The following PTPRD variants were observed in gnomAD, a reference collection of about 807,000 sequenced individuals.
The protein encoded by PTPRD is receptor-type tyrosine-protein phosphatase delta.
PTPRD carries 34 observed loss-of-function variants against 214.5 expected under a neutral mutation model. The ratio of observed to expected loss-of-function variants is 0.16; its 90% CI spans 0.12 to 0.21. PTPRD has a LOEUF of 0.21. Among genes scored for constraint, PTPRD ranks in the 10% least tolerant of loss-of-function variants. PTPRD has a pLI of 1.00. For missense variants in PTPRD, 2,545 were observed against 2,398.7 expected (o/e 1.06, Z -1.27); for synonymous variants, 1,128 against 845.7 (o/e 1.33, Z -5.79).
chr9:8,726,387 G>A lies in PTPRD; in HGVS notation c.64+7393C>T, dbSNP rs143353495. On this transcript the variant is annotated intron_variant, in intron 12 of 45. Coordinates refer to ENST00000381196, the MANE Select transcript of PTPRD (RefSeq NM_002839.4). ...GCAGATCACTTGAGCTCAGGAGTTC[G>A]AGACCAGCCTGGGCAAGATGGTAAA... Among the ~76,000 whole-genome samples the A allele has an allele frequency of 9.5e-4, 143 of 150,946 alleles. 2 individuals carry two copies. The highest frequency in any genetic ancestry group is 3.3e-3 in the African/African-American group (136 of 41,106).
At chr9:9,273,472 C>A (rs907013992) in intron 9 of PTPRD, among the ~76,000 whole-genome samples, 3 of 151,104 alleles carry the variant, frequency 2.0e-5, no homozygotes, top group South Asian at 2.1e-4. Context: ...ACATAAACTG[C>A]CTTTTATCTT....
intron 9 of PTPRD, among the ~76,000 whole-genome samples, chr9:9,232,238 G>A (rs527904581): frequency 6.6e-6 from 1 of 152,124 alleles, no homozygotes; most frequent in African/African-American, 2.4e-5. Context: ...AGTTGCATAA[G>A]ATCAACTACT....
chr9:9,146,296 A>G (rs1412250701), intron 10 of PTPRD, among the ~76,000 whole-genome samples: 1 of 152,028 alleles, frequency 6.6e-6, no homozygotes, highest in African/African-American at 2.4e-5. Context: ...GCTCAATTAC[A>G]TATTTGGTTG....
intron 11 of PTPRD, among the ~76,000 whole-genome samples, chr9:8,987,971 C>T (rs757855922): frequency 8.6e-5 from 13 of 151,122 alleles, no homozygotes; most frequent in Admixed American, 1.3e-4. Context: ...GAAGATGGAG[C>T]AATAATGGTA....
At chr9:9,738,120 G>A (rs1419543027) in intron 6 of PTPRD, among the ~76,000 whole-genome samples, 1 of 152,118 alleles carries the variant, frequency 6.6e-6, no homozygotes, top group East Asian at 1.9e-4. Context: ...GGGGATGGGG[G>A]AGGGATAGCA....
intron 35 of PTPRD, among the ~76,000 whole-genome samples, chr9:8,411,604 C>T (rs1261087607): frequency 2.0e-5 from 3 of 152,172 alleles, no homozygotes; most frequent in Non-Finnish European, 2.9e-5. Flanking sequence ...ACACCCAACA[C>T]TATACATGGC....
At chr9:10,247,504 C>T (rs1034965353) in intron 3 of PTPRD, among the ~76,000 whole-genome samples, 1 of 152,116 alleles carries the variant, frequency 6.6e-6, no homozygotes, top group Non-Finnish European at 1.5e-5. Context: ...ACACACATTA[C>T]CATATTCTCT....
chr9:9,709,328 T>G (rs2097684111), intron 7 of PTPRD, among the ~76,000 whole-genome samples: 1 of 151,998 alleles, frequency 6.6e-6, no homozygotes, highest in Non-Finnish European at 1.5e-5. Flanking sequence ...CTAATATGAC[T>G]TTCTATAACT....
intron 31 of PTPRD, among the ~76,000 whole-genome samples, chr9:8,466,223 G>T (rs139824038): frequency 2.6e-5 from 4 of 151,960 alleles, no homozygotes; most frequent in African/African-American, 9.6e-5. Context: ...ATATTAAATA[G>T]ACATTGTTAC....
intron 3 of PTPRD, among the ~76,000 whole-genome samples, chr9:10,098,416 C>G (rs2098515924): frequency 6.6e-6 from 1 of 151,440 alleles, no homozygotes; most frequent in Admixed American, 6.6e-5. Flanking sequence ...ATGTGTGCAG[C>G]ACACCAACAT....
intron 4 of PTPRD, among the ~76,000 whole-genome samples, chr9:9,993,940 C>T (rs768951293): frequency 3.9e-5 from 6 of 152,120 alleles, no homozygotes; most frequent in Non-Finnish European, 5.9e-5. Context: ...TTTTAGAGTA[C>T]TACTACTGCT....
intron 8 of PTPRD, among the ~76,000 whole-genome samples, chr9:9,444,713 A>C (rs1021148733): frequency 5.3e-5 from 8 of 152,146 alleles, no homozygotes; most frequent in African/African-American, 1.7e-4. Flanking sequence ...CTTTCTTCAT[A>C]CTACTCTAAG....
intron 3 of PTPRD, among the ~76,000 whole-genome samples, chr9:10,313,472 G>C (rs1043909755): frequency 6.6e-6 from 1 of 151,172 alleles, no homozygotes; most frequent in Non-Finnish European, 1.5e-5. Flanking sequence ...ACTTCACAGT[G>C]CTACTAGAAT....
intron 5 of PTPRD, among the ~76,000 whole-genome samples, chr9:9,785,838 C>A (rs2098919231): frequency 6.6e-6 from 1 of 151,980 alleles, no homozygotes. Flanking sequence ...GGGGTACATA[C>A]AAAAGGTACC....
chr9:9,837,369 TATTGCATGGCTAATGTTCTAGAACCA>T (rs1487900817), intron 5 of PTPRD, among the ~76,000 whole-genome samples: 1 of 152,162 alleles, frequency 6.6e-6, no homozygotes, highest in Non-Finnish European at 1.5e-5. Flanking sequence ...TGGATGTAGC[TATTGCATGGCTAATGTTCTAGAACCA>T]ATTGCATTTT....
intron 11 of PTPRD, among the ~76,000 whole-genome samples, chr9:8,747,795 G>A (rs2093001419): frequency 6.6e-6 from 1 of 152,032 alleles, no homozygotes; most frequent in Non-Finnish European, 1.5e-5. Context: ...CCATCAGATG[G>A]CCAAATTATT....
chr9:9,539,164 C>A (rs612092), intron 8 of PTPRD, among the ~76,000 whole-genome samples: 1 of 151,546 alleles, frequency 6.6e-6, no homozygotes, highest in African/African-American at 2.4e-5. Context: ...AGGGTGCTCA[C>A]TGGGGACATA....
intron 3 of PTPRD, among the ~76,000 whole-genome samples, chr9:10,254,918 T>C (rs1485972041): frequency 1.3e-5 from 2 of 152,220 alleles, no homozygotes; most frequent in Non-Finnish European, 2.9e-5. Flanking sequence ...TGATGACTTT[T>C]AAGAAATCCA....
At chr9:9,764,623 T>C (rs1268850623) in intron 6 of PTPRD, among the ~76,000 whole-genome samples, 1 of 152,198 alleles carries the variant, frequency 6.6e-6, no homozygotes, top group East Asian at 1.9e-4. Context: ...TCATATTTAT[T>C]ATATGTTTAT....
Sources: gnomAD v4.1 joint callset for allele counts (sites outside exome capture counted in the v4.1 genomes callset) on GRCh38, gnomAD v4.1.1 for gene constraint, MANE v1.5 for transcripts, NCBI Gene and HGNC (gene_info 2026-07-23, HGNC 2026-07-21) for gene names.